SEPTIN9: variants seen among roughly 807,000 people sequenced by gnomAD.
SEPTIN9 encodes septin-9.
Under a neutral mutation model 56.6 loss-of-function variants are expected in SEPTIN9, and 13 were observed. The ratio of observed to expected loss-of-function variants is 0.23; its 90% CI spans 0.15 to 0.37. The LOEUF is 0.37. Ranked by LOEUF, SEPTIN9 falls within the 10% of genes least tolerant of loss-of-function variation. SEPTIN9 has a pLI of 1.00. For missense variants in SEPTIN9, 650 were observed against 823.1 expected (o/e 0.79, Z 2.57); for synonymous variants, 332 against 334.1 (o/e 0.99, Z 0.07).
Position 77,492,654 on chromosome 17 carries a change from G to A in SEPTIN9, c.1414G>A (p.Val472Met), listed in dbSNP as rs2040079104. ...AGACCTGCTGTCCAACGGCATCGACGTGTACCCCCAGAAGGAATTTGATGA... is the reference window on the plus strand; with the variant it reads ...AGACCTGCTGTCCAACGGCATCGACATGTACCCCCAGAAGGAATTTGATGA... ...TADLLSNGIDVYPQKEFDEDS... is the reference protein window; with the variant it reads ...TADLLSNGIDMYPQKEFDEDS... Residue 472 changes from valine to methionine, a missense_variant, in exon 9 of 12, where the codon GTG becomes ATG. Val to Met is a conservative substitution (Grantham distance 21). This residue lies in a region of SEPTIN9 where 333 missense variants were observed against 494.0 expected (regional missense o/e 0.67). Coordinates refer to ENST00000427177, the MANE Select transcript of SEPTIN9 (RefSeq NM_001113491.2). The surrounding 1 kb of genome is among the most constrained non-coding windows in gnomAD (Gnocchi z 5.4). 4 of 1,614,012 alleles carry A rather than the reference G, an allele frequency of 2.5e-6. No homozygotes were observed. The highest frequency in any genetic ancestry group is 1.7e-5 in the Admixed American group (1 of 60,006).
chr17:77,493,133 AC>A, intron 10 of SEPTIN9, 57 bp downstream of exon 10: 1 of 1,382,666 alleles, frequency 7.2e-7, no homozygotes, highest in Non-Finnish European at 1.0e-6. Context: ...TCTTCTGCTG[AC>A]CCAGAGCCTG....
At chr17:77,407,222 G>C (rs1443486662) in intron 3 of SEPTIN9, among the ~76,000 whole-genome samples, 1 of 149,088 alleles carries the variant, frequency 6.7e-6, no homozygotes, top group African/African-American at 2.5e-5. Context: ...GGTTGAGGCT[G>C]CGGTGAGCTG....
rs979912395 is a variant in SEPTIN9, at chr17:77,475,695, A to G, written c.722-6449A>G. The G allele has an allele frequency of 1.1e-5, 18 of 1,613,460 alleles. No homozygotes were observed. Among genetic ancestry groups the G allele is most frequent in the Non-Finnish European group, 1.5e-5 (18 of 1,179,884 alleles). On this transcript the variant is annotated intron_variant, in intron 3 of 11. Transcript: ENST00000427177. This position sits in a 1 kb window ranked among gnomAD's most constrained non-coding sequence, Gnocchi z 4.6. Reference sequence around the variant, plus strand: ...CTGGGCCCACGCTGGGCCGGGGTGGATGGAGGCAAGGAAGTCTTCGCCGGG... The same window carrying G: ...CTGGGCCCACGCTGGGCCGGGGTGGGTGGAGGCAAGGAAGTCTTCGCCGGG...
intron 3 of SEPTIN9, among the ~76,000 whole-genome samples, chr17:77,468,539 A>G (rs1325955400): frequency 6.6e-6 from 1 of 152,254 alleles, no homozygotes. Context: ...CTTCATAAAT[A>G]AATATCTCAT....
rs79409813 is a variant in SEPTIN9 at position 77,423,558 on chromosome 17, G to A, written c.721+20855G>A. On this transcript the variant is annotated intron_variant, in intron 3 of 11. Coordinates refer to ENST00000427177, the MANE Select transcript of SEPTIN9 (RefSeq NM_001113491.2). ...TGGGGGCCCCTGTTGGGGTGGGAAC[G>A]GGAGCTGGCCCTGGCCATTGTCCAG... 0.014 allele frequency among the ~76,000 whole-genome samples: 2,133 copies of A among 152,318 alleles called. 96 individuals carry two copies. In the East Asian group the frequency reaches 0.16, roughly 12 times the overall value.
chr17:77,336,742 C>T (rs1238389352), intron 2 of SEPTIN9, among the ~76,000 whole-genome samples: 1 of 151,872 alleles, frequency 6.6e-6, no homozygotes, highest in Non-Finnish European at 1.5e-5. Context: ...CTGGTTAGAG[C>T]TGCCAGTTCA....
At chr17:77,350,416 G>A (rs566367296) in intron 2 of SEPTIN9, among the ~76,000 whole-genome samples, 40 of 152,332 alleles carry the variant, frequency 2.6e-4, no homozygotes, top group African/African-American at 9.4e-4. Context: ...CATGCAGGAG[G>A]CCCACATGAC....
In SEPTIN9 at chr17:77,405,043, A is replaced by G. The variant is rs1568042717; in HGVS notation, c.721+2340A>G. On this transcript the variant is annotated intron_variant, in intron 3 of 11. Coordinates refer to ENST00000427177, the MANE Select transcript of SEPTIN9 (RefSeq NM_001113491.2). The surrounding 1 kb of genome is among the most constrained non-coding windows in gnomAD (Gnocchi z 5.8). ...GTGTTCACACTCAGCTGAGTCAAAC[A>G]GGATGTGGCTGGGGAGGCGGTTGTC... is the stretch of plus-strand genomic sequence containing the variant. The G allele has an allele frequency of 1.5e-5, 23 of 1,530,306 alleles. No homozygotes were observed. The highest frequency in any genetic ancestry group is 1.8e-5 in the Non-Finnish European group (21 of 1,143,370). The allele number at this position is 1,530,306 out of a possible 1,614,324, so 94.8% of individuals were successfully genotyped here.
chr17:77,285,818 G>A (rs2031250453), intron 1 of SEPTIN9, among the ~76,000 whole-genome samples: 2 of 152,220 alleles, frequency 1.3e-5, no homozygotes, highest in African/African-American at 4.8e-5. Flanking sequence ...CACCCACACA[G>A]GAAGCAGCTT....
intron 3 of SEPTIN9, among the ~76,000 whole-genome samples, chr17:77,481,619 G>C (rs1376794649): frequency 1.3e-5 from 2 of 152,250 alleles, no homozygotes; most frequent in Admixed American, 6.5e-5. Flanking sequence ...TTTCTTACAA[G>C]ACCATCCCTC....
intron 3 of SEPTIN9, among the ~76,000 whole-genome samples, chr17:77,403,912 C>G (rs1430064637): frequency 6.6e-6 from 1 of 152,168 alleles, no homozygotes; most frequent in Non-Finnish European, 1.5e-5. Context: ...GAGCTCCGTC[C>G]CCGTTAGACC....
chr17:77,323,565 C>T lies in SEPTIN9; in HGVS notation c.76+16368C>T, dbSNP rs1463334603. 1.3e-5 allele frequency: 2 copies of T among 152,328 alleles called. No homozygotes were observed. The highest frequency in any genetic ancestry group is 6.6e-5 in the Admixed American group (1 of 15,266). 9.4% of individuals were successfully genotyped at this position (152,328 alleles called of 1,614,324 possible). On this transcript the variant is annotated intron_variant, in intron 2 of 11. Transcript: ENST00000427177. This position sits in a 1 kb window ranked among gnomAD's most constrained non-coding sequence, Gnocchi z 6.8. Reference sequence around the variant, plus strand: ...GCCACGCTGTCGCTGGACGTCTGTCCCCACCAGGGTCCATCTGATGCAGTA... The same window carrying T: ...GCCACGCTGTCGCTGGACGTCTGTCTCCACCAGGGTCCATCTGATGCAGTA...
chr17:77,312,592 C>T (rs567543444), intron 2 of SEPTIN9, among the ~76,000 whole-genome samples: 5 of 152,250 alleles, frequency 3.3e-5, no homozygotes, highest in East Asian at 3.9e-4. Flanking sequence ...AGAGCCACGG[C>T]GGGATGCTTT....
intron 2 of SEPTIN9, among the ~76,000 whole-genome samples, chr17:77,312,500 C>T (rs2032542134): frequency 2.9e-5 from 1 of 34,364 alleles, no homozygotes; most frequent in East Asian, 0.01. Flanking sequence ...TCCTAGCTGA[C>T]TCAGTGACTT....
chr17:77,485,812 T>C (rs1473961568), intron 4 of SEPTIN9, among the ~76,000 whole-genome samples: 1 of 152,076 alleles, frequency 6.6e-6, no homozygotes, highest in Non-Finnish European at 1.5e-5. Flanking sequence ...GTTATCAAAG[T>C]CAGAACATCA....
intron 11 of SEPTIN9, chr17:77,497,688 C>T: frequency 4.4e-6 from 2 of 459,632 alleles, no homozygotes; most frequent in South Asian, 4.5e-5. Context: ...TGTGCAGGCC[C>T]TGCCGGCAGC....
chr17:77,415,329 A>G (rs2036461680), intron 3 of SEPTIN9, among the ~76,000 whole-genome samples: 1 of 152,186 alleles, frequency 6.6e-6, no homozygotes, highest in Non-Finnish European at 1.5e-5. Context: ...AGTCTCGGCC[A>G]GGCGTGGTGC....
chr17:77,387,903 C>A (rs1474379092), intron 2 of SEPTIN9, among the ~76,000 whole-genome samples: 2 of 150,494 alleles, frequency 1.3e-5, no homozygotes, highest in African/African-American at 4.9e-5. Context: ...CCCTTCCCGC[C>A]CCCCTTCACC....
At chr17:77,480,016 A>C (rs1401009527) in intron 3 of SEPTIN9, among the ~76,000 whole-genome samples, 2 of 152,090 alleles carry the variant, frequency 1.3e-5, no homozygotes, top group African/African-American at 4.8e-5. Flanking sequence ...GTATTTCTGA[A>C]GGGGGAGCAG....
Sources: gnomAD v4.1 joint callset for allele counts (sites outside exome capture counted in the v4.1 genomes callset) on GRCh38, gnomAD v4.1.1 for gene constraint, gnomAD v4.1.1 regional missense constraint, Gnocchi (gnomAD v3.1) non-coding constraint, MANE v1.5 for transcripts, NCBI Gene and HGNC (gene_info 2026-07-23, HGNC 2026-07-21) for gene names.